Variants in NHLH2 observed in about 807,000 individuals in gnomAD.
The protein encoded by NHLH2 is nescient helix-loop-helix 2, also known as helix-loop-helix protein 2.
NHLH2 carries 7 observed loss-of-function variants against 7.3 expected under a neutral mutation model. That is an observed-to-expected ratio of 0.96 (90% CI 0.55 to 1.81). The LOEUF is 1.81. NHLH2 is among the 40% of genes most tolerant of loss of function. NHLH2 has a pLI of 0.00. For missense variants in NHLH2, 155 were observed against 194.0 expected, an observed-to-expected ratio of 0.80 and a Z score of 1.19; for synonymous variants, 93 against 91.6, an observed-to-expected ratio of 1.01 and a Z score of -0.09.
chr1:115,839,781 T>A (rs1006971949), intron 2 of NHLH2: 1 of 166,912 alleles, frequency 6.0e-6, no homozygotes, highest in African/African-American at 2.4e-5. Context: ...GGATGGGTGA[T>A]CGGTTCCCAG....
In NHLH2 at chr1:115,840,435, A is replaced by T. The variant is rs922659354; in HGVS notation, c.-228T>A. ...TGTTCACTTAGTTGATAGATTTTTT[A>T]AAAAACGCTTTTTCCTTTTAATTGT... On this transcript the variant is annotated 5_prime_UTR_variant, in exon 2 of 3. Coordinates refer to ENST00000320238, the MANE Select transcript of NHLH2 (RefSeq NM_005599.3). 7.2e-5 allele frequency: 12 copies of T among 167,052 alleles called. No homozygotes were observed. Among genetic ancestry groups the T allele is most frequent in the Non-Finnish European group, 1.8e-4 (12 of 68,110 alleles). The allele number at this position is 167,052 out of a possible 1,614,324, so 10.3% of individuals were successfully genotyped here.
At chr1:115,833,676 G>C, downstream of NHLH2, among the ~76,000 whole-genome samples, 1 of 152,224 alleles carries the variant, frequency 6.6e-6, no homozygotes, top group South Asian at 2.1e-4. Flanking sequence ...CTGGGTGGTT[G>C]TGAGAATTAC....
rs1650882661 is a variant in NHLH2, at chr1:115,836,797, T to C, written c.*1168A>G. On this transcript the variant is annotated 3_prime_UTR_variant, in exon 3 of 3. Coordinates refer to ENST00000320238, the MANE Select transcript of NHLH2 (RefSeq NM_005599.3). ...TTGTAAAGGACTTCTCAGACATAAC[T>C]ACAGATAAGAATAATACACTTTTTA... 1 of 152,050 alleles carries C rather than the reference T, an allele frequency of 6.6e-6. No homozygotes were observed. The highest frequency in any genetic ancestry group is 6.6e-5 in the Admixed American group (1 of 15,264). 9.4% of individuals were successfully genotyped at this position (152,050 alleles called of 1,614,324 possible). A position where few individuals can be genotyped will look rare whatever the true frequency, so the allele number is the denominator to read the frequency against.
chr1:115,837,772 C>A lies in NHLH2; in HGVS notation c.*193G>T, dbSNP rs1650919109. The A allele has an allele frequency of 1.5e-5, 9 of 612,696 alleles. No individual in the cohort carries two copies. The South Asian group carries it at 2.0e-4, about 14-fold the overall frequency. 38.0% of individuals were successfully genotyped at this position (612,696 alleles called of 1,614,324 possible). A position where few individuals can be genotyped will look rare whatever the true frequency, so the allele number is the denominator to read the frequency against. ...CGGGCTCGCCAGACAACCCCACCTGCCTGCGTCGGAAACCTTCCCTCGTCG... is the reference window on the plus strand; with the variant it reads ...CGGGCTCGCCAGACAACCCCACCTGACTGCGTCGGAAACCTTCCCTCGTCG... On this transcript the variant is annotated 3_prime_UTR_variant, in exon 3 of 3. Coordinates refer to ENST00000320238, the MANE Select transcript of NHLH2 (RefSeq NM_005599.3).
At position 115,838,290 on chromosome 1, in the gene NHLH2, T is replaced by C. The variant is rs371217803; in HGVS notation, c.83A>G (p.Asp28Gly). The change falls in exon 3 of 3, where the codon GAC becomes GGC. Residue 28 changes from aspartate to glycine, a missense_variant. Around this residue, in one of 2 missense-constraint regions of NHLH2, gnomAD observed 91 missense variants for 86.6 expected, o/e 1.05. Transcript: ENST00000320238. Reference protein sequence around the residue: ...HSDPESLGGTDTKVLGSVSDL... With the variant: ...HSDPESLGGTGTKVLGSVSDL... ...CGACACGCTGCCGAGCACCTTGGTG[T>C]CCGTGCCGCCCAGGGACTCCGGATC... 6.2e-7 allele frequency: 1 copy of C among 1,607,960 alleles called. No individual in the cohort carries two copies. Among genetic ancestry groups the C allele is most frequent in the South Asian group, 1.1e-5 (1 of 90,438 alleles).
At position 115,837,810 on chromosome 1, in the gene NHLH2, G is replaced by C; in HGVS notation, c.*155C>G. Reference sequence around the variant, plus strand: ...CCTTCCCTCGTCGCCCTGCTGACCAGAGAGAACAGGTAGCGAGCTTCTTCC... The same window carrying C: ...CCTTCCCTCGTCGCCCTGCTGACCACAGAGAACAGGTAGCGAGCTTCTTCC... On this transcript the variant is annotated 3_prime_UTR_variant, in exon 3 of 3. Coordinates refer to ENST00000320238, the MANE Select transcript of NHLH2 (RefSeq NM_005599.3). 2.5e-6 allele frequency: 2 copies of C among 805,762 alleles called. No homozygotes were observed. Among genetic ancestry groups the C allele is most frequent in the African/African-American group, 3.7e-5 (2 of 53,742 alleles). 49.9% of individuals were successfully genotyped at this position (805,762 alleles called of 1,614,324 possible).
downstream of NHLH2, among the ~76,000 whole-genome samples, chr1:115,834,676 C>G (rs545331898): frequency 6.6e-6 from 1 of 152,158 alleles, no homozygotes; most frequent in Non-Finnish European, 1.5e-5. Context: ...GTCCAGCCCC[C>G]ATCCTGTGTT....
At chr1:115,840,689 G>A (rs1557831281) in intron 1 of NHLH2, 145 bp from the exon 2 acceptor site, 1 of 165,392 alleles carries the variant, frequency 6.0e-6, no homozygotes, top group East Asian at 1.9e-4. Context: ...TCCTTAATAC[G>A]GCTGAGCAGA....
At chr1:115,831,847 G>A (rs2101189617), downstream of NHLH2, among the ~76,000 whole-genome samples, 1 of 151,960 alleles carries the variant, frequency 6.6e-6, no homozygotes, top group Non-Finnish European at 1.5e-5. Context: ...GCCTGAACCT[G>A]GGAGGTGGAG....
At position 115,837,943 on chromosome 1, in the gene NHLH2, G is replaced by C; in HGVS notation, c.*22C>G. The C allele has an allele frequency of 1.3e-6, 2 of 1,583,782 alleles. No homozygotes were observed. Among genetic ancestry groups the C allele is most frequent in the Admixed American group, 1.8e-5 (1 of 56,730 alleles). ...CGTTTCGCGGACGCCGGGACAGGCG[G>C]CCCCCCGCGGCGCACCCCGCCCTAC... On this transcript the variant is annotated 3_prime_UTR_variant, in exon 3 of 3. Coordinates refer to ENST00000320238, the MANE Select transcript of NHLH2 (RefSeq NM_005599.3).
In NHLH2 at chr1:115,838,242, G is replaced by C. The variant is rs1650939735; in HGVS notation, c.131C>G (p.Ala44Gly). The C allele has an allele frequency of 6.4e-7, 1 of 1,569,800 alleles. No individual in the cohort carries two copies. The highest frequency in any genetic ancestry group is 8.6e-7 in the Non-Finnish European group (1 of 1,160,498). Reference sequence around the variant, plus strand: ...GCTGCCGCCCTTGCCGTCGCCCTCGGCCTCCTCCACCGGCTCCAGGTCCGA... The same window carrying C: ...GCTGCCGCCCTTGCCGTCGCCCTCGCCCTCCTCCACCGGCTCCAGGTCCGA... ...SVSDLEPVEE[A>G]EGDGKGGSRA... Residue 44 changes from alanine (A) to glycine (G), a missense_variant, in exon 3 of 3, where the codon GCC becomes GGC. Transcript: ENST00000320238.
downstream of NHLH2, among the ~76,000 whole-genome samples, chr1:115,833,814 G>C (rs1477525698): frequency 6.6e-6 from 1 of 152,220 alleles, no homozygotes; most frequent in Non-Finnish European, 1.5e-5. Context: ...GGTATTGGCT[G>C]TGCATGCTCT....
rs919701737 is a variant in NHLH2 at position 115,836,982 on chromosome 1, A to G, written c.*983T>C. ...TTAGAGCAGAAAGAAAGACCACAGT[A>G]TAATCTCAACAAACACGTAAAAAGT... On this transcript the variant is annotated 3_prime_UTR_variant, in exon 3 of 3. Transcript: ENST00000320238. 6.6e-6 allele frequency: 1 copy of G among 152,482 alleles called. No individual in the cohort carries two copies. Among genetic ancestry groups the G allele is most frequent in the Non-Finnish European group, 1.5e-5 (1 of 68,028 alleles). 9.4% of individuals were successfully genotyped at this position (152,482 alleles called of 1,614,324 possible). A position where few individuals can be genotyped will look rare whatever the true frequency, so the allele number is the denominator to read the frequency against.
rs1650924949 is a variant in NHLH2 at position 115,837,934 on chromosome 1, G to A, written c.*31C>T. ...GATCCGTAGCGTTTCGCGGACGCCG[G>A]GACAGGCGGCCCCCCGCGGCGCACC... On this transcript the variant is annotated 3_prime_UTR_variant, in exon 3 of 3. Transcript: ENST00000320238. 2.5e-6 allele frequency: 4 copies of A among 1,581,818 alleles called. No homozygotes were observed. Among genetic ancestry groups the A allele is most frequent in the African/African-American group, 1.4e-5 (1 of 71,596 alleles).
At chr1:115,834,880 C>T (rs939531611), downstream of NHLH2, among the ~76,000 whole-genome samples, 9 of 152,158 alleles carry the variant, frequency 5.9e-5, no homozygotes, top group Non-Finnish European at 7.3e-5. Flanking sequence ...AATGAATGCT[C>T]ACCATCGTCA....
At chr1:115,833,669 G>A (rs914823382), downstream of NHLH2, among the ~76,000 whole-genome samples, 1 of 152,128 alleles carries the variant, frequency 6.6e-6, no homozygotes, top group Non-Finnish European at 1.5e-5. Context: ...TACCTCACTG[G>A]GTGGTTGTGA....
rs890554722 is a variant in NHLH2 at position 115,837,794 on chromosome 1, G to A, written c.*171C>T. On this transcript the variant is annotated 3_prime_UTR_variant, in exon 3 of 3. Coordinates refer to ENST00000320238, the MANE Select transcript of NHLH2 (RefSeq NM_005599.3). Reference sequence around the variant, plus strand: ...CTGCCTGCGTCGGAAACCTTCCCTCGTCGCCCTGCTGACCAGAGAGAACAG... The same window carrying A: ...CTGCCTGCGTCGGAAACCTTCCCTCATCGCCCTGCTGACCAGAGAGAACAG... The A allele has an allele frequency of 4.9e-5, 35 of 707,530 alleles. No homozygotes were observed. The East Asian group carries it at 1.1e-3, about 23-fold the overall frequency. 43.8% of individuals were successfully genotyped at this position (707,530 alleles called of 1,614,324 possible).
downstream of NHLH2, among the ~76,000 whole-genome samples, chr1:115,834,295 C>T (rs1650816145): frequency 6.6e-6 from 1 of 152,200 alleles, no homozygotes; most frequent in African/African-American, 2.4e-5. Context: ...TCCGCTGGGC[C>T]AGCTGGGGCT....
chr1:115,836,247 AAT>A (rs553165769), downstream of NHLH2: 236 of 152,296 alleles, frequency 1.5e-3, 1 homozygote, highest in African/African-American at 5.4e-3. Flanking sequence ...TCACTACATA[AAT>A]ATGTTTATGT....
Sources: allele counts gnomAD v4.1 joint callset (sites outside exome capture counted in the v4.1 genomes callset), GRCh38; gene constraint gnomAD v4.1.1; regional missense constraint gnomAD v4.1.1; transcripts MANE v1.5; gene names NCBI Gene and HGNC (gene_info 2026-07-23, HGNC 2026-07-21).